The following UBR2 variants were observed in gnomAD, a reference collection of about 807,000 sequenced individuals.
UBR2 encodes E3 ubiquitin-protein ligase UBR2.
A neutral mutation model predicts 247.9 loss-of-function variants in UBR2; 92 were observed. The ratio of observed to expected loss-of-function variants is 0.37; its 90% CI spans 0.31 to 0.44. The LOEUF (loss-of-function observed/expected upper bound fraction) is 0.44. Ranked by LOEUF, UBR2 falls within the 20% of genes least tolerant of loss-of-function variation. UBR2 has a pLI of 1.00. For synonymous variants in UBR2, 672 were observed against 693.5 expected (o/e 0.97, Z 0.49); for missense variants, 1,613 against 2,112.6 (o/e 0.76, Z 4.64).
chr6:42,673,771 A>G lies in UBR2; in HGVS notation c.4087-20A>G. 6.3e-7 allele frequency: 1 copy of G among 1,598,206 alleles called. No individual in the cohort carries two copies. The highest frequency in any genetic ancestry group is 8.6e-7 in the Non-Finnish European group (1 of 1,169,030). ...TGCTTTGCATTTTTGTTTTTTGTTA[A>G]TTGCGTTGGTTTATTTTAGGATGAC... On this transcript the variant is annotated intron_variant, in intron 36 of 46. Coordinates refer to ENST00000372901, the MANE Select transcript of UBR2 (RefSeq NM_001363705.2).
chr6:42,574,094 T>C (rs1791346079), intron 2 of UBR2, 101 bp downstream of exon 2: 2 of 1,177,620 alleles, frequency 1.7e-6, no homozygotes, highest in African/African-American at 3.1e-5. Flanking sequence ...TGAAATACCA[T>C]ATCTGCTTAA....
intron 8 of UBR2, 71 bp from the exon 9 acceptor site, chr6:42,615,000 A>G: frequency 3.8e-6 from 5 of 1,305,278 alleles, no homozygotes; most frequent in South Asian, 2.7e-5. Context: ...ATCCATTTGA[A>G]CATCTACTAA....
chr6:42,674,027 C>T (rs1199846393), intron 37 of UBR2, 99 bp from the exon 38 acceptor site: 12 of 1,356,248 alleles, frequency 8.8e-6, no homozygotes, highest in Non-Finnish European at 1.0e-5. Flanking sequence ...CTTATAAATT[C>T]TCATGTGTCT....
At chr6:42,665,355 T>C (rs1798045906) in intron 32 of UBR2, 54 bp from the exon 33 acceptor site, 1 of 1,351,916 alleles carries the variant, frequency 7.4e-7, no homozygotes, top group South Asian at 1.3e-5. Flanking sequence ...AGGAGTCTTT[T>C]GTATCTTAAG....
intron 22 of UBR2, among the ~76,000 whole-genome samples, chr6:42,650,058 G>A (rs1158651680): frequency 6.6e-6 from 1 of 152,176 alleles, no homozygotes; most frequent in Non-Finnish European, 1.5e-5. Flanking sequence ...TGTCCATCAC[G>A]TTCACTTGTC....
In UBR2 at chr6:42,615,026, A is replaced by G. The variant is rs909756844; in HGVS notation, c.986-45A>G. 6 of 1,492,814 alleles carry G rather than the reference A, an allele frequency of 4.0e-6. No homozygotes were observed. In the Admixed American group the frequency reaches 5.4e-5, roughly 14 times the overall value. 92.5% of individuals were successfully genotyped at this position (1,492,814 alleles called of 1,614,324 possible). A position where few individuals can be genotyped will look rare whatever the true frequency, so the allele number is the denominator to read the frequency against. On this transcript the variant is annotated intron_variant, in intron 8 of 46. Transcript: ENST00000372901. ...CATCTACTAAAATGTCACTATTTTA[A>G]TATTTGAAGTTGCTATCTCATTCTA...
At chr6:42,618,805 G>A (rs999678178) in intron 11 of UBR2, among the ~76,000 whole-genome samples, 1 of 152,206 alleles carries the variant, frequency 6.6e-6, no homozygotes, top group African/African-American at 2.4e-5. Context: ...TTTTTAGGTG[G>A]TGAAATCTAC....
At chr6:42,688,513 G>A (rs1057043819) in intron 45 of UBR2, 127 bp downstream of exon 45, 16 of 1,129,202 alleles carry the variant, frequency 1.4e-5, no homozygotes, top group Middle Eastern at 3.0e-4. Flanking sequence ...TTCCAGAAAC[G>A]TGGAGCTCCT....
intron 2 of UBR2, among the ~76,000 whole-genome samples, chr6:42,577,539 C>G (rs73436681): frequency 0.022 from 3,286 of 152,062 alleles, 109 homozygotes; most frequent in African/African-American, 0.074. Flanking sequence ...AATGGTTTTA[C>G]AGTGTAAAAA....
In UBR2 at chr6:42,682,442, T is replaced by A. The variant is rs574363968; in HGVS notation, c.4719-613T>A. Among the ~76,000 whole-genome samples, 524 of 144,634 alleles carry A rather than the reference T, an allele frequency of 3.6e-3. 3 individuals carry two copies. Among genetic ancestry groups the A allele is most frequent in the African/African-American group, 0.012 (475 of 38,402 alleles). 94.9% of individuals were successfully genotyped at this position (144,634 alleles called of 152,430 possible). Reference sequence around the variant, plus strand: ...TATTTTACCACACTAAAAAAAAAAATTTTTTTTTTTTTAAGTCTCACTCTG... The same window carrying A: ...TATTTTACCACACTAAAAAAAAAAAATTTTTTTTTTTTAAGTCTCACTCTG... On this transcript the variant is annotated intron_variant, in intron 42 of 46. Coordinates refer to ENST00000372901, the MANE Select transcript of UBR2 (RefSeq NM_001363705.2).
chr6:42,672,153 C>T (rs935558474), intron 36 of UBR2, among the ~76,000 whole-genome samples: 1 of 152,094 alleles, frequency 6.6e-6, no homozygotes, highest in African/African-American at 2.4e-5. Context: ...CTGTCTCAGC[C>T]TCCCGAGTAG....
At chr6:42,640,336 TG>T (rs2151957089) in intron 16 of UBR2, 66 bp downstream of exon 16, 1 of 1,442,282 alleles carries the variant, frequency 6.9e-7, no homozygotes, top group Non-Finnish European at 9.5e-7. Flanking sequence ...GGAATCACTT[TG>T]AAACACATTT....
intron 2 of UBR2, among the ~76,000 whole-genome samples, chr6:42,578,499 A>G (rs1413014227): frequency 2.0e-5 from 3 of 152,124 alleles, no homozygotes; most frequent in African/African-American, 7.2e-5. Flanking sequence ...TTTAGCAATG[A>G]TTTTTTTACG....
chr6:42,644,234 T>A lies in UBR2; in HGVS notation c.2118T>A (p.Asp706Glu). 1 of 1,609,626 alleles carries A rather than the reference T, an allele frequency of 6.2e-7. No homozygotes were observed. The highest frequency in any genetic ancestry group is 8.5e-7 in the Non-Finnish European group (1 of 1,178,754). Residue 706 changes from aspartate (D) to glutamate (E), a missense_variant, in exon 19 of 47, where the codon GAT becomes GAA. This residue lies in a region of UBR2 where 1,524 missense variants were observed against 1,967.3 expected (regional missense o/e 0.77). Coordinates refer to ENST00000372901, the MANE Select transcript of UBR2 (RefSeq NM_001363705.2). ...AAAAGACAGGTGTCTCCATGATGGA[T>A]CCAAATCATTTCCTGATGATCATGC... is the stretch of plus-strand genomic sequence containing the variant. ...VMLQTGVSMM[D>E]PNHFLMIMLS... is the part of the protein sequence containing the mutation.
intron 18 of UBR2, among the ~76,000 whole-genome samples, chr6:42,643,575 G>A (rs1032846351): frequency 1.3e-5 from 2 of 152,054 alleles, no homozygotes; most frequent in Non-Finnish European, 2.9e-5. Flanking sequence ...CAACCTGGGC[G>A]ACAGAGTGAG....
In UBR2 at chr6:42,665,431, C is replaced by T; in HGVS notation, c.3721C>T (p.Pro1241Ser). ...FNNRLNFSDQPNLTQWIRTIS... is the reference protein window; with the variant it reads ...FNNRLNFSDQSNLTQWIRTIS... ...TAGCAGGTTAAATTTTTCAGACCAA[C>T]CAAATCTGACTCAGTGGATTAGAAC... Residue 1241 changes from proline (P) to serine (S), a missense_variant, in exon 33 of 47, where the codon CCA becomes TCA. Transcript: ENST00000372901. The T allele has an allele frequency of 1.2e-6, 2 of 1,612,370 alleles. No individual in the cohort carries two copies. Among genetic ancestry groups the T allele is most frequent in the Non-Finnish European group, 1.7e-6 (2 of 1,179,228 alleles).
At chr6:42,652,197 C>T in intron 24 of UBR2, 126 bp downstream of exon 24, 1 of 931,560 alleles carries the variant, frequency 1.1e-6, no homozygotes, top group East Asian at 2.6e-5. Context: ...TAGTGAATAA[C>T]CTCCTATTCA....
At chr6:42,687,938 C>T (rs1253163578) in intron 44 of UBR2, among the ~76,000 whole-genome samples, 1 of 151,768 alleles carries the variant, frequency 6.6e-6, no homozygotes, top group Non-Finnish European at 1.5e-5. Context: ...TATTATATGG[C>T]AGTGGTACCG....
intron 7 of UBR2, among the ~76,000 whole-genome samples, chr6:42,610,171 G>A (rs374628229): frequency 3.3e-5 from 5 of 152,054 alleles, no homozygotes; most frequent in Admixed American, 1.3e-4. Flanking sequence ...GCAAGACTCC[G>A]TCTCTAAGGG....
Sources: allele counts gnomAD v4.1 joint callset (sites outside exome capture counted in the v4.1 genomes callset), GRCh38; gene constraint gnomAD v4.1.1; regional missense constraint gnomAD v4.1.1; transcripts MANE v1.5; gene names NCBI Gene and HGNC (gene_info 2026-07-23, HGNC 2026-07-21).